TANGO6: variants seen among roughly 807,000 people sequenced by gnomAD.
TANGO6 encodes the protein transport and golgi organization 6 homolog, also known as transport and Golgi organization protein 6 homolog.
In TANGO6, 90 loss-of-function variants were observed where a neutral mutation model predicts 114.2. The ratio of observed to expected loss-of-function variants is 0.79; its 90% CI spans 0.66 to 0.94. The LOEUF (loss-of-function observed/expected upper bound fraction) is 0.94. TANGO6 is among the 40% of genes least tolerant of loss of function. The probability of loss-of-function intolerance (pLI) is 0.00; values close to 1 mark genes in which losing one functional copy is unlikely to be tolerated. For missense variants in TANGO6, 1,274 were observed against 1,315.3 expected, an observed-to-expected ratio of 0.97 and a Z score of 0.49; for synonymous variants, 477 against 509.8, an observed-to-expected ratio of 0.94 and a Z score of 0.87.
chr16:69,067,167 G>A (rs1179427646), intron 17 of TANGO6, among the ~76,000 whole-genome samples: 2 of 152,152 alleles, frequency 1.3e-5, no homozygotes, highest in East Asian at 1.9e-4. Flanking sequence ...GAAGTGCCGG[G>A]ATCATAGGTA....
chr16:68,983,922 A>G (rs903550832), intron 15 of TANGO6, among the ~76,000 whole-genome samples: 2 of 151,656 alleles, frequency 1.3e-5, no homozygotes, highest in African/African-American at 2.4e-5. Flanking sequence ...TGTCCCAGCT[A>G]CTCGGGAGGC....
intron 16 of TANGO6, among the ~76,000 whole-genome samples, chr16:69,025,528 A>G (rs1026498640): frequency 2.0e-5 from 3 of 152,230 alleles, no homozygotes; most frequent in Admixed American, 6.5e-5. Flanking sequence ...AAAACCAATT[A>G]GGAAATGGTA....
intron 15 of TANGO6, among the ~76,000 whole-genome samples, chr16:68,979,350 C>T (rs1047781683): frequency 6.6e-6 from 1 of 152,092 alleles, no homozygotes; most frequent in South Asian, 2.1e-4. Context: ...CAGCCTCAGC[C>T]TCCCGAGTAG....
At chr16:68,987,471 C>A (rs1291146420) in intron 15 of TANGO6, among the ~76,000 whole-genome samples, 2 of 152,144 alleles carry the variant, frequency 1.3e-5, no homozygotes, top group Admixed American at 1.3e-4. Context: ...TGGATTCAAG[C>A]AATTCTCATG....
intron 17 of TANGO6, among the ~76,000 whole-genome samples, chr16:69,063,781 T>TTTC (rs575958202): frequency 0.28 from 31,792 of 114,454 alleles, 5,303 homozygotes; most frequent in Non-Finnish European, 0.37. Flanking sequence ...TAGCCATACT[T>TTTC]TTCTTCTTCT....
intron 15 of TANGO6, among the ~76,000 whole-genome samples, chr16:68,994,048 A>G (rs1426250797): frequency 1.3e-5 from 2 of 152,212 alleles, no homozygotes; most frequent in African/African-American, 2.4e-5. Flanking sequence ...CTGAAAGCTT[A>G]TGCACTGATT....
In TANGO6 at chr16:68,922,939, G is replaced by GTTTTTTTT. The variant is rs531603542; in HGVS notation, c.2127+3740_2127+3747dup. ...TCTTACTCTACACTGCTTAGGTCATGTTTTTTTTTTTTTTTTTTTTTTTTT... is the reference window on the plus strand; with the variant it reads ...TCTTACTCTACACTGCTTAGGTCATGTTTTTTTTTTTTTTTTTTTTTTTTTTTTTTTTT... On this transcript the variant is annotated intron_variant, in intron 12 of 17. Coordinates refer to ENST00000261778, the MANE Select transcript of TANGO6 (RefSeq NM_024562.2). 1.1e-4 allele frequency among the ~76,000 whole-genome samples: 9 copies of GTTTTTTTT among 79,052 alleles called. 1 individual carries two copies. Among genetic ancestry groups the GTTTTTTTT allele is most frequent in the African/African-American group, 2.6e-4 (5 of 18,976 alleles). The allele number at this position is 79,052 out of a possible 152,430, so 51.9% of individuals were successfully genotyped here.
chr16:69,057,202 T>C (rs151323576), intron 17 of TANGO6, among the ~76,000 whole-genome samples: 2 of 152,038 alleles, frequency 1.3e-5, no homozygotes, highest in East Asian at 3.9e-4. Context: ...AATTGCTCTT[T>C]GTAAAATCCC....
At chr16:68,972,078 C>T (rs918863622) in intron 14 of TANGO6, among the ~76,000 whole-genome samples, 1 of 151,912 alleles carries the variant, frequency 6.6e-6, no homozygotes, top group Non-Finnish European at 1.5e-5. Context: ...CTGAATCTCT[C>T]TTAAGAGCAG....
At chr16:68,910,538 G>A (rs964558275) in intron 11 of TANGO6, among the ~76,000 whole-genome samples, 28 of 152,166 alleles carry the variant, frequency 1.8e-4, no homozygotes, top group Admixed American at 1.8e-3. Context: ...AATGGTGTCA[G>A]GCTGGTAGAA....
At chr16:69,072,107 A>G (rs1209950376) in intron 17 of TANGO6, among the ~76,000 whole-genome samples, 8 of 83,164 alleles carry the variant, frequency 9.6e-5, no homozygotes, top group Admixed American at 1.2e-4. Context: ...TGTATGTGTG[A>G]AGAGAGAGGG....
At chr16:68,907,087 A>ATG (rs1962860848) in intron 9 of TANGO6, among the ~76,000 whole-genome samples, 1 of 140,638 alleles carries the variant, frequency 7.1e-6, no homozygotes, top group Admixed American at 7.2e-5. Context: ...GAGCCACCTC[A>ATG]CCCAGACCTT....
At chr16:69,059,497 C>T (rs968602975) in intron 17 of TANGO6, among the ~76,000 whole-genome samples, 3 of 151,840 alleles carry the variant, frequency 2.0e-5, no homozygotes, top group Admixed American at 6.6e-5. Flanking sequence ...TGAGCCACCG[C>T]GCCTGGCCAC....
intron 7 of TANGO6, among the ~76,000 whole-genome samples, chr16:68,897,118 G>A (rs1962715920): frequency 6.6e-6 from 1 of 152,084 alleles, no homozygotes; most frequent in African/African-American, 2.4e-5. Flanking sequence ...GGCCAGGCTG[G>A]TCTCGAACTC....
At chr16:68,986,275 G>A (rs1407966311) in intron 15 of TANGO6, among the ~76,000 whole-genome samples, 3 of 152,140 alleles carry the variant, frequency 2.0e-5, no homozygotes, top group Admixed American at 1.3e-4. Context: ...TATTTTGAAT[G>A]AGGACTGAGG....
chr16:69,035,041 A>C (rs546875649), intron 16 of TANGO6: 9 of 152,240 alleles, frequency 5.9e-5, no homozygotes, highest in African/African-American at 2.2e-4. Context: ...CCAGGTGACA[A>C]GTCCAGTCTC....
intron 15 of TANGO6, among the ~76,000 whole-genome samples, chr16:68,986,613 C>T (rs1045415367): frequency 1.3e-5 from 2 of 151,878 alleles, no homozygotes; most frequent in African/African-American, 2.4e-5. Context: ...TTTTAGAAAA[C>T]GTATCATCTG....
intron 12 of TANGO6, among the ~76,000 whole-genome samples, chr16:68,925,121 G>C (rs775082873): frequency 6.6e-6 from 1 of 151,966 alleles, no homozygotes; most frequent in Non-Finnish European, 1.5e-5. Flanking sequence ...GGCCAGCCCC[G>C]GCAACATGGC....
At chr16:68,932,970 G>A (rs530511927) in intron 14 of TANGO6, among the ~76,000 whole-genome samples, 15 of 152,306 alleles carry the variant, frequency 9.8e-5, no homozygotes, top group African/African-American at 3.4e-4. Context: ...GCTTAGCACA[G>A]TGTTCAATAT....
Sources: allele counts gnomAD v4.1 joint callset (sites outside exome capture counted in the v4.1 genomes callset), GRCh38; gene constraint gnomAD v4.1.1; transcripts MANE v1.5; gene names NCBI Gene and HGNC (gene_info 2026-07-23, HGNC 2026-07-21).